The following LNX1 variants were observed in gnomAD, a reference collection of about 807,000 sequenced individuals.
LNX1 encodes E3 ubiquitin-protein ligase LNX.
A neutral mutation model predicts 68.4 loss-of-function variants in LNX1; 54 were observed. The observed-to-expected ratio is 0.79, with a 90% CI of 0.63 to 0.99. The LOEUF is 0.99. Ranked by LOEUF, LNX1 falls within the 50% of genes least tolerant of loss-of-function variation. The probability of loss-of-function intolerance (pLI) is 0.00; values close to 1 mark genes in which losing one functional copy is unlikely to be tolerated. For synonymous variants in LNX1, 336 were observed against 350.0 expected (o/e 0.96, Z 0.45); for missense variants, 906 against 926.4 (o/e 0.98, Z 0.29).
chr4:53,619,195 T>G (rs1733781135), upstream of LNX1, among the ~76,000 whole-genome samples: 1 of 152,254 alleles, frequency 6.6e-6, no homozygotes, highest in African/African-American at 2.4e-5. Flanking sequence ...ATATAATTTA[T>G]GTACTGTAAA....
intron 6 of LNX1, among the ~76,000 whole-genome samples, chr4:53,488,380 T>G (rs1276955628): frequency 6.6e-6 from 1 of 152,250 alleles, no homozygotes; most frequent in East Asian, 1.9e-4. Context: ...TCTTAGCTCT[T>G]TCCCTTTCCA....
At chr4:53,614,961 G>A (rs2616415) in intron 2 of LNX1, among the ~76,000 whole-genome samples, 62,443 of 145,040 alleles carry the variant, frequency 0.43, 12,844 homozygotes, top group Admixed American at 0.48. Context: ...GACTTTTGGA[G>A]CTATTCCGAA....
intron 2 of LNX1, among the ~76,000 whole-genome samples, chr4:53,541,478 A>T (rs1322173410): frequency 2.0e-5 from 3 of 151,218 alleles, no homozygotes; most frequent in Non-Finnish European, 3.0e-5. Flanking sequence ...TTTCATATAT[A>T]TTTTTTTTCT....
At chr4:53,541,160 GAAAGA>G (rs568447603) in intron 2 of LNX1, among the ~76,000 whole-genome samples, 1 of 146,396 alleles carries the variant, frequency 6.8e-6, no homozygotes, top group Admixed American at 6.8e-5. Flanking sequence ...AAAAAAAAAA[GAAAGA>G]AAAGAAAAGA....
At chr4:53,554,763 A>G (rs960129463) in intron 2 of LNX1, among the ~76,000 whole-genome samples, 1 of 151,902 alleles carries the variant, frequency 6.6e-6, no homozygotes, top group African/African-American at 2.4e-5. Context: ...GAGGCAGGAG[A>G]ATCACTTAAA....
At chr4:53,577,953 G>A (rs768652360) in intron 1 of LNX1, among the ~76,000 whole-genome samples, 6 of 152,024 alleles carry the variant, frequency 3.9e-5, no homozygotes, top group African/African-American at 7.2e-5. Context: ...TTTACCATGC[G>A]CCAGGCACTG....
intron 2 of LNX1, among the ~76,000 whole-genome samples, chr4:53,521,674 A>C (rs1727232060): frequency 6.6e-6 from 1 of 152,162 alleles, no homozygotes; most frequent in Non-Finnish European, 1.5e-5. Context: ...ACATATTCCC[A>C]AAAATTGTGT....
intron 6 of LNX1, among the ~76,000 whole-genome samples, chr4:53,485,498 T>A (rs1183938601): frequency 6.6e-6 from 1 of 152,252 alleles, no homozygotes; most frequent in Non-Finnish European, 1.5e-5. Context: ...TTTCAAATGC[T>A]GGCTTTGGTA....
At chr4:53,556,794 G>C (rs1372502965) in intron 2 of LNX1, among the ~76,000 whole-genome samples, 1 of 152,154 alleles carries the variant, frequency 6.6e-6, no homozygotes, top group Non-Finnish European at 1.5e-5. Context: ...AAATTGGCTG[G>C]TCCAGCTAAT....
At chr4:53,606,047 A>G (rs1282643707) in intron 2 of LNX1, among the ~76,000 whole-genome samples, 3 of 152,172 alleles carry the variant, frequency 2.0e-5, no homozygotes, top group Non-Finnish European at 2.9e-5. Flanking sequence ...AACTAGATAA[A>G]CAAGAGCAAA....
upstream of LNX1, chr4:53,591,618 A>G (rs1259732044): frequency 1.0e-6 from 1 of 981,518 alleles, no homozygotes; most frequent in Admixed American, 6.2e-5. Context: ...GGATTGAAAG[A>G]GTCAGGAGGC....
intron 9 of LNX1, among the ~76,000 whole-genome samples, chr4:53,462,113 CAT>C (rs1381618686): frequency 2.0e-5 from 3 of 152,138 alleles, no homozygotes; most frequent in Admixed American, 2.0e-4. Context: ...TTTGATAAGT[CAT>C]AGAGAAGCAT....
intron 2 of LNX1, among the ~76,000 whole-genome samples, chr4:53,561,330 C>T (rs1265817737): frequency 1.4e-4 from 21 of 152,160 alleles, no homozygotes; most frequent in Admixed American, 9.2e-4. Context: ...CAGGTTCAAA[C>T]GATTCTCCTG....
chr4:53,600,315 A>C (rs556149310), intron 2 of LNX1, among the ~76,000 whole-genome samples: 2 of 152,320 alleles, frequency 1.3e-5, no homozygotes, highest in African/African-American at 4.8e-5. Context: ...CACAAAAAAA[A>C]GTCCTAGTAG....
In LNX1 at chr4:53,545,857, G is replaced by C. The variant is rs555140872; in HGVS notation, c.380+27766C>G. On this transcript the variant is annotated intron_variant, in intron 2 of 10. Transcript: ENST00000263925. Reference sequence around the variant, plus strand: ...GGGTCTTACTCTGTCGCCCAGGCTGGAGTACAATGGTGCTATCTCAGCTCA... The same window carrying C: ...GGGTCTTACTCTGTCGCCCAGGCTGCAGTACAATGGTGCTATCTCAGCTCA... Among the ~76,000 whole-genome samples the C allele has an allele frequency of 2.3e-3, 330 of 146,362 alleles. 3 individuals are homozygous for C. Among genetic ancestry groups the C allele is most frequent in the Non-Finnish European group, 2.8e-3 (186 of 67,208 alleles).
intron 2 of LNX1, among the ~76,000 whole-genome samples, chr4:53,535,909 A>G (rs1030342681): frequency 2.0e-5 from 3 of 152,076 alleles, no homozygotes; most frequent in Non-Finnish European, 4.4e-5. Flanking sequence ...GCACCATCAC[A>G]CCCATTTTAC....
At chr4:53,567,840 A>G (rs1437253142) in intron 2 of LNX1, among the ~76,000 whole-genome samples, 1 of 152,120 alleles carries the variant, frequency 6.6e-6, no homozygotes, top group Non-Finnish European at 1.5e-5. Context: ...CAGAAATACA[A>G]ACTACCATCA....
At chr4:53,537,160 A>G (rs1211809055) in intron 2 of LNX1, among the ~76,000 whole-genome samples, 1 of 152,216 alleles carries the variant, frequency 6.6e-6, no homozygotes, top group East Asian at 1.9e-4. Context: ...TAAGACATAT[A>G]ATAAAAGTGC....
chr4:53,507,301 T>TG lies in LNX1; in HGVS notation c.775+15dup. 6.2e-7 allele frequency: 1 copy of TG among 1,613,024 alleles called. No homozygotes were observed. On this transcript the variant is annotated intron_variant, in intron 4 of 10. Coordinates refer to ENST00000263925, the MANE Select transcript of LNX1 (RefSeq NM_001126328.3). ...CCCAGCCCATGTCCATCCAGCCTTA[T>TG]GGGGAGTTCATTTACCTTCAGGGGC...
Sources: gnomAD v4.1 joint callset for allele counts (sites outside exome capture counted in the v4.1 genomes callset) on GRCh38, gnomAD v4.1.1 for gene constraint, MANE v1.5 for transcripts, NCBI Gene and HGNC (gene_info 2026-07-23, HGNC 2026-07-21) for gene names.